The following RNGTT variants were observed in gnomAD, a reference collection of about 807,000 sequenced individuals.
The protein encoded by RNGTT is RNA guanylyltransferase and 5'-phosphatase, also known as mRNA-capping enzyme.
RNGTT carries 33 observed loss-of-function variants against 79.3 expected under a neutral mutation model. That is an observed-to-expected ratio of 0.42 (90% CI 0.32 to 0.56). The LOEUF is 0.56. Ranked by LOEUF, RNGTT falls within the 20% of genes least tolerant of loss-of-function variation. The probability of loss-of-function intolerance (pLI) is 0.17; values close to 1 mark genes in which losing one functional copy is unlikely to be tolerated. For missense variants in RNGTT, 497 were observed against 739.1 expected (o/e 0.67, Z 3.80); for synonymous variants, 222 against 235.9 (o/e 0.94, Z 0.54).
chr6:88,895,008 C>T (rs1178264205), intron 6 of RNGTT, among the ~76,000 whole-genome samples: 1 of 152,124 alleles, frequency 6.6e-6, no homozygotes, highest in Non-Finnish European at 1.5e-5. Context: ...ATTAAAGTCA[C>T]TGACATTTAT....
intron 13 of RNGTT, among the ~76,000 whole-genome samples, chr6:88,765,759 C>T (rs1010198265): frequency 3.9e-5 from 6 of 152,092 alleles, no homozygotes; most frequent in Non-Finnish European, 8.8e-5. Flanking sequence ...GCTATATATA[C>T]CAGTATATAT....
At chr6:88,817,916 C>G (rs1442652336) in intron 11 of RNGTT, among the ~76,000 whole-genome samples, 1 of 151,872 alleles carries the variant, frequency 6.6e-6, no homozygotes, top group Non-Finnish European at 1.5e-5. Context: ...CCCGCCAACA[C>G]GCCCAGCTAA....
chr6:88,945,192 A>G (rs72911634), intron 1 of RNGTT, among the ~76,000 whole-genome samples: 6,340 of 152,244 alleles, frequency 0.042, 192 homozygotes, highest in African/African-American at 0.078. Context: ...AAAGGTAGGA[A>G]AGGTAGCAAT....
At chr6:88,715,761 A>G (rs1457232054) in intron 13 of RNGTT, among the ~76,000 whole-genome samples, 1 of 152,222 alleles carries the variant, frequency 6.6e-6, no homozygotes, top group African/African-American at 2.4e-5. Context: ...CTGGCTAGCC[A>G]TATGTAAAAA....
intron 4 of RNGTT, among the ~76,000 whole-genome samples, chr6:88,910,002 T>C (rs1783781336): frequency 6.6e-6 from 1 of 151,166 alleles, no homozygotes; most frequent in African/African-American, 2.4e-5. Flanking sequence ...CAACAGCAAA[T>C]TCAAAAACAA....
At chr6:88,654,149 T>C (rs548637614) in intron 14 of RNGTT, among the ~76,000 whole-genome samples, 1 of 151,924 alleles carries the variant, frequency 6.6e-6, no homozygotes, top group East Asian at 1.9e-4. Context: ...AGCAACTTAA[T>C]AGCTATTGCA....
intron 1 of RNGTT, among the ~76,000 whole-genome samples, chr6:88,946,484 T>G (rs1386274709): frequency 6.6e-6 from 1 of 152,086 alleles, no homozygotes; most frequent in African/African-American, 2.4e-5. Flanking sequence ...AAATGAAGAA[T>G]CATATGTCTC....
intron 1 of RNGTT, among the ~76,000 whole-genome samples, chr6:88,958,541 C>T (rs967178189): frequency 6.6e-6 from 1 of 151,848 alleles, no homozygotes; most frequent in African/African-American, 2.4e-5. Flanking sequence ...ACAAATAATC[C>T]CATCAAAAAG....
chr6:88,806,318 C>CTT lies in RNGTT; in HGVS notation c.1270-4688_1270-4687dup, dbSNP rs896456612. The stretch of plus-strand genomic sequence containing the variant: ...AACGTTGTCGAGAAAAAGGAACACG[C>CTT]TTTTTTTTTTTTTTTTTGAGATGGA... On this transcript the variant is annotated intron_variant, in intron 11 of 15. Transcript: ENST00000369485. Among the ~76,000 whole-genome samples the CTT allele has an allele frequency of 4.8e-3, 650 of 135,578 alleles. 4 individuals carry two copies. Among genetic ancestry groups the CTT allele is most frequent in the African/African-American group, 0.016 (598 of 36,984 alleles). The allele number at this position is 135,578 out of a possible 152,430, so 88.9% of individuals were successfully genotyped here. A position where few individuals can be genotyped will look rare whatever the true frequency, so the allele number is the denominator to read the frequency against.
intron 6 of RNGTT, among the ~76,000 whole-genome samples, chr6:88,897,051 T>C (rs552946922): frequency 1.3e-5 from 2 of 152,336 alleles, no homozygotes; most frequent in South Asian, 2.1e-4. Flanking sequence ...CATGTCACTA[T>C]AAACTCTTTT....
rs1424051458 is a variant in RNGTT at position 88,683,134 on chromosome 6, T to A, written c.1440-4715A>T. Reference sequence around the variant, plus strand: ...AAAAATAGAAGCAAAGAGATAACAATTAGCAGAAATTCATGAAACGGAAAA... The same window carrying A: ...AAAAATAGAAGCAAAGAGATAACAAATAGCAGAAATTCATGAAACGGAAAA... On this transcript the variant is annotated intron_variant, in intron 13 of 15. Transcript: ENST00000369485. 2.0e-5 allele frequency among the ~76,000 whole-genome samples: 3 copies of A among 151,922 alleles called. No individual in the cohort carries two copies. The East Asian group carries it at 5.8e-4, about 29-fold the overall frequency.
chr6:88,637,961 T>C (rs1017568439), intron 14 of RNGTT, among the ~76,000 whole-genome samples: 12 of 152,146 alleles, frequency 7.9e-5, no homozygotes, highest in Non-Finnish European at 1.6e-4. Context: ...CTTAGTTGAA[T>C]GAGAACCCCA....
chr6:88,872,455 A>C lies in RNGTT; in HGVS notation c.896+18040T>G, dbSNP rs1407356856. The stretch of plus-strand genomic sequence containing the variant: ...AAAAAAGAATAAATGAATAAGACCT[A>C]CTATTTGATAGCACAATAGGGTGAC... On this transcript the variant is annotated intron_variant, in intron 8 of 15. Coordinates refer to ENST00000369485, the MANE Select transcript of RNGTT (RefSeq NM_003800.5). Among the ~76,000 whole-genome samples the C allele has an allele frequency of 5.9e-5, 9 of 152,294 alleles. No individual in the cohort carries two copies. In the South Asian group the frequency reaches 1.2e-3, roughly 21 times the overall value.
At chr6:88,832,793 A>G (rs537104192) in intron 11 of RNGTT, among the ~76,000 whole-genome samples, 1 of 152,368 alleles carries the variant, frequency 6.6e-6, no homozygotes, top group East Asian at 1.9e-4. Flanking sequence ...TCAAAAGAAG[A>G]CATGTATGCA....
At chr6:88,693,445 T>G (rs990613603) in intron 13 of RNGTT, among the ~76,000 whole-genome samples, 14 of 151,934 alleles carry the variant, frequency 9.2e-5, no homozygotes, top group African/African-American at 3.1e-4. Flanking sequence ...ACAAACCAAT[T>G]ACAAGTAAGG....
intron 14 of RNGTT, among the ~76,000 whole-genome samples, chr6:88,650,025 C>A (rs1354653872): frequency 6.6e-6 from 1 of 152,124 alleles, no homozygotes; most frequent in Non-Finnish European, 1.5e-5. Flanking sequence ...TCGTTCAAAC[C>A]AGTAAAAGCA....
chr6:88,874,689 C>T (rs1324178418), intron 8 of RNGTT, among the ~76,000 whole-genome samples: 1 of 151,938 alleles, frequency 6.6e-6, no homozygotes, highest in Non-Finnish European at 1.5e-5. Context: ...CCAGTTAACA[C>T]CTCATCTAAC....
intron 12 of RNGTT, among the ~76,000 whole-genome samples, chr6:88,775,754 C>T (rs1778855451): frequency 6.6e-6 from 1 of 152,102 alleles, no homozygotes; most frequent in Non-Finnish European, 1.5e-5. Flanking sequence ...TCTGTGTACT[C>T]AACTTTTTGA....
chr6:88,657,747 G>A (rs1021504392), intron 14 of RNGTT, among the ~76,000 whole-genome samples: 2 of 152,118 alleles, frequency 1.3e-5, no homozygotes, highest in African/African-American at 4.8e-5. Flanking sequence ...GACTGGCATT[G>A]CTGGCTGCAT....
Sources: gnomAD v4.1 joint callset for allele counts (sites outside exome capture counted in the v4.1 genomes callset) on GRCh38, gnomAD v4.1.1 for gene constraint, MANE v1.5 for transcripts, NCBI Gene and HGNC (gene_info 2026-07-23, HGNC 2026-07-21) for gene names.